The following NCOA2 variants were observed in gnomAD, a reference collection of about 807,000 sequenced individuals.
NCOA2 encodes the protein nuclear receptor coactivator 2.
A neutral mutation model predicts 145.1 loss-of-function variants in NCOA2; 21 were observed. The observed-to-expected ratio is 0.14, with a 90% confidence interval of 0.10 to 0.21. The LOEUF (loss-of-function observed/expected upper bound fraction) is 0.21. Ranked by LOEUF, NCOA2 falls within the 10% of genes least tolerant of loss-of-function variation. The pLI, the probability that NCOA2 is intolerant of heterozygous loss-of-function variation, is 1.00. For missense variants in NCOA2, 1,472 were observed against 1,837.6 expected (o/e 0.80, Z 3.64); for synonymous variants, 619 against 637.5 (o/e 0.97, Z 0.44).
Position 70,156,416 on chromosome 8 carries a change from T to C in NCOA2, c.1949A>G (p.Asp650Gly). ...KLLQLLTTKS[D>G]QMEPSPLASS... ...GGCTAAGGGCGAGGGCTCCATCTGATCAGATTTGGTGGTCAGCAGCTGCAG... is the reference window on the plus strand; with the variant it reads ...GGCTAAGGGCGAGGGCTCCATCTGACCAGATTTGGTGGTCAGCAGCTGCAG... Residue 650 changes from aspartate (D) to glycine (G), a missense_variant, in exon 11 of 23, where the codon GAT (aspartate) becomes GGT (glycine). Asp to Gly is a moderately conservative substitution (Grantham distance 94, BLOSUM62 -1). This residue lies in a region of NCOA2 where 953 missense variants were observed against 1,062.1 expected (regional missense o/e 0.90). Transcript: ENST00000452400. 1 of 1,613,966 alleles carries C rather than the reference T, an allele frequency of 6.2e-7. No individual in the cohort carries two copies. The highest frequency in any genetic ancestry group is 8.5e-7 in the Non-Finnish European group (1 of 1,179,872).
chr8:70,129,949 CGTGAGCCACCA>C (rs1808900834), intron 16 of NCOA2, among the ~76,000 whole-genome samples: 1 of 152,194 alleles, frequency 6.6e-6, no homozygotes, highest in African/African-American at 2.4e-5. Flanking sequence ...GGATTACAGG[CGTGAGCCACCA>C]CGCCCAGCCT....
intron 1 of NCOA2, among the ~76,000 whole-genome samples, chr8:70,372,876 T>A (rs10435577): frequency 0.045 from 6,894 of 152,310 alleles, 258 homozygotes; most frequent in East Asian, 0.16. Context: ...ATATACAATA[T>A]ATGTCTGGCT....
intron 1 of NCOA2, among the ~76,000 whole-genome samples, chr8:70,394,726 T>G (rs1813503444): frequency 6.6e-6 from 1 of 152,228 alleles, no homozygotes; most frequent in Non-Finnish European, 1.5e-5. Context: ...AATCACCATT[T>G]TCATGACATC....
chr8:70,236,063 C>A (rs1270325789), intron 2 of NCOA2, among the ~76,000 whole-genome samples: 1 of 152,046 alleles, frequency 6.6e-6, no homozygotes, highest in Non-Finnish European at 1.5e-5. Context: ...TTCCCCGCCC[C>A]CAAAATGCCC....
Position 70,141,384 on chromosome 8 carries a change from C to G in NCOA2, c.2828G>C (p.Ser943Thr). 1 of 1,613,798 alleles carries G rather than the reference C, an allele frequency of 6.2e-7. No homozygotes were observed. Among genetic ancestry groups the G allele is most frequent in the Non-Finnish European group, 8.5e-7 (1 of 1,179,810 alleles). ...GNSSTGMIGNSASRPTMPSGE... is the reference protein window; with the variant it reads ...GNSSTGMIGNTASRPTMPSGE... ...AGATGGCATAGTAGGCCGAGAAGCA[C>G]TGTTACCAATCATTCCTGCATGCAA... The change falls in exon 14 of 23, where the codon AGT (serine) becomes ACT (threonine). Residue 943 changes from serine (S) to threonine (T), a missense_variant. Physicochemically the swap from Ser to Thr is moderately conservative, Grantham distance 58 (BLOSUM62 1). Transcript: ENST00000452400.
the NCOA2 span, among the ~76,000 whole-genome samples, chr8:70,422,864 T>C: frequency 6.6e-6 from 1 of 152,208 alleles, no homozygotes; most frequent in South Asian, 2.1e-4. Context: ...GTCATTAAAA[T>C]GTTGTTACGT....
chr8:70,237,538 G>A (rs1821739662), intron 2 of NCOA2, among the ~76,000 whole-genome samples: 1 of 151,934 alleles, frequency 6.6e-6, no homozygotes, highest in African/African-American at 2.4e-5. Context: ...TGAGGCAGGA[G>A]GACTGCTTGA....
Position 70,163,579 on chromosome 8 carries a change from A to T in NCOA2, c.731-13T>A. The T allele has an allele frequency of 6.2e-7, 1 of 1,600,634 alleles. No individual in the cohort carries two copies. Among genetic ancestry groups the T allele is most frequent in the Non-Finnish European group, 8.6e-7 (1 of 1,168,664 alleles). On this transcript the variant is annotated splice_polypyrimidine_tract_variant and intron_variant, in intron 7 of 22. Coordinates refer to ENST00000452400, the MANE Select transcript of NCOA2 (RefSeq NM_006540.4). ...CAGGACTGCAAATCTTAAACCACAC[A>T]TGTTTACATTTATCATATTGGGCTT... is the stretch of plus-strand genomic sequence containing the variant.
At position 70,248,215 on chromosome 8, in the gene NCOA2, T is replaced by C. The variant is rs1001055262; in HGVS notation, c.-19-31451A>G. On this transcript the variant is annotated intron_variant, in intron 2 of 22. Coordinates refer to ENST00000452400, the MANE Select transcript of NCOA2 (RefSeq NM_006540.4). ...ATAGAGTAATGTTTTCATTTTTAAA[T>C]TGAGGTACAATTTACATTCAGTGCC... Among the ~76,000 whole-genome samples, 7 of 152,310 alleles carry C rather than the reference T, an allele frequency of 4.6e-5. No homozygotes were observed. The East Asian group carries it at 7.7e-4, about 17-fold the overall frequency.
At chr8:70,240,516 T>A (rs73684236) in intron 2 of NCOA2, among the ~76,000 whole-genome samples, 8,485 of 152,220 alleles carry the variant, frequency 0.056, 314 homozygotes, top group East Asian at 0.16. Flanking sequence ...CCACATTTTT[T>A]GCATTTTTGT....
At chr8:70,328,854 T>C (rs1023081078) in intron 1 of NCOA2, among the ~76,000 whole-genome samples, 3 of 152,154 alleles carry the variant, frequency 2.0e-5, no homozygotes, top group African/African-American at 7.2e-5. Context: ...TTCCACAACA[T>C]TGCTGATGAG....
intron 1 of NCOA2, among the ~76,000 whole-genome samples, chr8:70,351,592 T>TC (rs1005902380): frequency 1.3e-5 from 2 of 149,856 alleles, no homozygotes; most frequent in African/African-American, 5.0e-5. Context: ...TTTCTTTTTT[T>TC]CCTTTTTTTT....
upstream of NCOA2, among the ~76,000 whole-genome samples, chr8:70,407,955 A>G (rs563164945): frequency 1.3e-5 from 2 of 152,316 alleles, no homozygotes; most frequent in East Asian, 3.9e-4. Context: ...TTCATTAACT[A>G]TGGAATACAA....
chr8:70,128,351 GTTAAC>G lies in NCOA2; in HGVS notation c.3681+77_3681+81del, dbSNP rs1438485040. 8 of 1,219,298 alleles carry G rather than the reference GTTAAC, an allele frequency of 6.6e-6. No homozygotes were observed. In the East Asian group the frequency reaches 1.7e-4, roughly 27 times the overall value. The allele number at this position is 1,219,298 out of a possible 1,614,324, so 75.5% of individuals were successfully genotyped here. Reference sequence around the variant, plus strand: ...GCTGATCTGGATCCACGTCTACTAAGTTAACTTTCTTCAGAGAGGAAGAAATGACA... The same window carrying G: ...GCTGATCTGGATCCACGTCTACTAAGTTTCTTCAGAGAGGAAGAAATGACA... On this transcript the variant is annotated intron_variant, in intron 18 of 22. Transcript: ENST00000452400.
chr8:70,196,486 T>C (rs1270414481), intron 4 of NCOA2, among the ~76,000 whole-genome samples: 2 of 152,206 alleles, frequency 1.3e-5, no homozygotes, highest in African/African-American at 2.4e-5. Flanking sequence ...GTGCAGAACA[T>C]ACAGGACCCT....
At chr8:70,429,213 T>TA in the NCOA2 span, among the ~76,000 whole-genome samples, 2 of 152,216 alleles carry the variant, frequency 1.3e-5, no homozygotes, top group Non-Finnish European at 2.9e-5. Context: ...GTTTGAAGCC[T>TA]GGTAAAAATA....
rs1394208447 is a variant in NCOA2 at position 70,174,801 on chromosome 8, C to A, written c.318G>T (p.Gly106=). 1.2e-6 allele frequency: 2 copies of A among 1,613,738 alleles called. No homozygotes were observed. Among genetic ancestry groups the A allele is most frequent in the Admixed American group, 1.7e-5 (1 of 60,028 alleles). The change falls in exon 5 of 23, where the codon GGG becomes GGT. Residue 106 remains glycine (G), a synonymous_variant. Transcript: ENST00000452400. Reference sequence around the variant, plus strand: ...GCGCATCCTTGTCGATGACACCCTGCCCTGTAGAGGATACATCTGACTTCT... The same window carrying A: ...GCGCATCCTTGTCGATGACACCCTGACCTGTAGAGGATACATCTGACTTCT... ...EVQKSDVSST[G]QGVIDKDALG... is the part of the protein sequence containing the mutation.
chr8:70,136,356 T>C (rs1809733673), intron 15 of NCOA2, among the ~76,000 whole-genome samples: 1 of 152,092 alleles, frequency 6.6e-6, no homozygotes, highest in Non-Finnish European at 1.5e-5. Flanking sequence ...AGTGAGACTC[T>C]GTCTCAAAAC....
At chr8:70,153,423 CTT>C (rs533440564) in intron 11 of NCOA2, among the ~76,000 whole-genome samples, 2 of 152,208 alleles carry the variant, frequency 1.3e-5, no homozygotes, top group African/African-American at 4.8e-5. Flanking sequence ...AAAAACTCCT[CTT>C]TTGTCAGTTT....
Sources: gnomAD v4.1 joint callset for allele counts (sites outside exome capture counted in the v4.1 genomes callset) on GRCh38, gnomAD v4.1.1 for gene constraint, gnomAD v4.1.1 regional missense constraint, MANE v1.5 for transcripts, NCBI Gene and HGNC (gene_info 2026-07-23, HGNC 2026-07-21) for gene names.